The following CTNNA2 variants were observed in gnomAD, a reference collection of about 807,000 sequenced individuals.
CTNNA2 encodes catenin alpha-2.
Under a neutral mutation model 101.0 loss-of-function variants are expected in CTNNA2, and 42 were observed. The ratio of observed to expected loss-of-function variants is 0.42; its 90% confidence interval spans 0.32 to 0.54. The LOEUF (loss-of-function observed/expected upper bound fraction) is 0.54. Among genes scored for constraint, CTNNA2 ranks in the 20% least tolerant of loss-of-function variants. The pLI is 0.14. For synonymous variants in CTNNA2, 450 were observed against 456.4 expected, an observed-to-expected ratio of 0.99 and a Z score of 0.18; for missense variants, 871 against 1,223.1, an observed-to-expected ratio of 0.71 and a Z score of 4.29.
chr2:79,708,656 A>G (rs530910518), intron 2 of CTNNA2, among the ~76,000 whole-genome samples: 1 of 150,488 alleles, frequency 6.6e-6, no homozygotes, highest in Non-Finnish European at 1.5e-5. Flanking sequence ...CATATACTGT[A>G]ATTTTTATAA....
intron 4 of CTNNA2, among the ~76,000 whole-genome samples, chr2:79,378,189 A>AAAGTTCCC (rs1326686097): frequency 6.6e-6 from 1 of 152,160 alleles, no homozygotes; most frequent in African/African-American, 2.4e-5. Flanking sequence ...ATAGACATAA[A>AAAGTTCCC]AAGTTCCCAT....
chr2:80,241,804 G>T (rs564008399), intron 7 of CTNNA2, among the ~76,000 whole-genome samples: 13 of 152,148 alleles, frequency 8.5e-5, no homozygotes, highest in South Asian at 2.1e-4. Flanking sequence ...CTTTGCTGTA[G>T]ATTAATGCCA....
At chr2:80,116,836 A>C (rs1225226733) in intron 7 of CTNNA2, among the ~76,000 whole-genome samples, 1 of 152,122 alleles carries the variant, frequency 6.6e-6, no homozygotes, top group African/African-American at 2.4e-5. Context: ...AGGTGTGTAG[A>C]TACAACTGTG....
At chr2:79,490,068 T>A (rs1282501558) in intron 4 of CTNNA2, among the ~76,000 whole-genome samples, 8 of 152,186 alleles carry the variant, frequency 5.3e-5, no homozygotes, top group Admixed American at 5.2e-4. Context: ...GCCAATTTCA[T>A]CAATAAAATA....
chr2:79,960,311 A>G (rs888988224), intron 7 of CTNNA2, among the ~76,000 whole-genome samples: 2 of 152,214 alleles, frequency 1.3e-5, no homozygotes, highest in African/African-American at 4.8e-5. Flanking sequence ...GGTGTTTGAC[A>G]TGTTTAATAT....
chr2:79,607,101 A>G (rs1409194087), intron 1 of CTNNA2, among the ~76,000 whole-genome samples: 3 of 152,218 alleles, frequency 2.0e-5, no homozygotes, highest in African/African-American at 7.2e-5. Flanking sequence ...ATATACCATG[A>G]TAACACCAAA....
intron 3 of CTNNA2, among the ~76,000 whole-genome samples, chr2:79,828,712 T>A (rs1678632586): frequency 6.6e-6 from 1 of 152,208 alleles, no homozygotes; most frequent in South Asian, 2.1e-4. Context: ...ATGAGAATTA[T>A]CTGCCACATA....
chr2:79,248,047 A>T (rs1385383509), intron 2 of CTNNA2, among the ~76,000 whole-genome samples: 1 of 152,240 alleles, frequency 6.6e-6, no homozygotes, highest in African/African-American at 2.4e-5. Flanking sequence ...CAGCAGCTAT[A>T]GGAAATTCAC....
chr2:79,504,492 A>G (rs1357184669), intron 4 of CTNNA2, among the ~76,000 whole-genome samples: 2 of 151,896 alleles, frequency 1.3e-5, no homozygotes, highest in Non-Finnish European at 2.9e-5. Flanking sequence ...CTTTCACCAT[A>G]TTGACCAGGC....
chr2:80,457,713 C>G (rs1212083453), intron 9 of CTNNA2, among the ~76,000 whole-genome samples: 1 of 152,100 alleles, frequency 6.6e-6, no homozygotes, highest in Non-Finnish European at 1.5e-5. Flanking sequence ...TCTCTTCATT[C>G]TCTTTTCTCT....
intron 7 of CTNNA2, among the ~76,000 whole-genome samples, chr2:80,245,677 C>G (rs999050414): frequency 6.6e-6 from 1 of 151,946 alleles, no homozygotes; most frequent in Non-Finnish European, 1.5e-5. Context: ...TTTCCCCTGA[C>G]TCCCTATGAC....
chr2:80,400,973 C>T (rs1678496610), intron 8 of CTNNA2, among the ~76,000 whole-genome samples: 1 of 152,168 alleles, frequency 6.6e-6, no homozygotes, highest in South Asian at 2.1e-4. Flanking sequence ...CTGGAATACT[C>T]CCACCACCCT....
At chr2:79,894,977 T>A (rs945496772) in intron 6 of CTNNA2, among the ~76,000 whole-genome samples, 30 of 152,258 alleles carry the variant, frequency 2.0e-4, no homozygotes, top group African/African-American at 7.0e-4. Context: ...AATGTTGGTA[T>A]ATGCCATACC....
chr2:80,591,541 C>T (rs1216665251), intron 15 of CTNNA2, among the ~76,000 whole-genome samples: 1 of 141,460 alleles, frequency 7.1e-6, no homozygotes, highest in African/African-American at 2.6e-5. Context: ...CTATATTTGA[C>T]CTTATACATT....
intron 7 of CTNNA2, among the ~76,000 whole-genome samples, chr2:80,361,824 T>C (rs1256688124): frequency 6.6e-6 from 1 of 152,158 alleles, no homozygotes; most frequent in Non-Finnish European, 1.5e-5. Flanking sequence ...GGTTTCATTG[T>C]TGTATAAGTA....
At chr2:80,211,965 T>A (rs544893489) in intron 7 of CTNNA2, among the ~76,000 whole-genome samples, 2 of 152,318 alleles carry the variant, frequency 1.3e-5, no homozygotes, top group Admixed American at 6.5e-5. Flanking sequence ...AAGTATTTTA[T>A]TCTCTTTGTA....
intron 7 of CTNNA2, among the ~76,000 whole-genome samples, chr2:79,985,724 G>A (rs891224356): frequency 2.6e-5 from 4 of 152,180 alleles, no homozygotes; most frequent in Admixed American, 2.6e-4. Context: ...CAAGCAGCAG[G>A]CCCAGCAGCA....
intron 7 of CTNNA2, among the ~76,000 whole-genome samples, chr2:79,998,249 A>G (rs749266424): frequency 1.8e-4 from 28 of 152,220 alleles, no homozygotes; most frequent in Non-Finnish European, 3.7e-4. Context: ...ATTTAAATAC[A>G]TGTCTGTTGC....
chr2:80,123,296 A>G (rs1701945711), intron 7 of CTNNA2, among the ~76,000 whole-genome samples: 1 of 152,198 alleles, frequency 6.6e-6, no homozygotes, highest in South Asian at 2.1e-4. Context: ...AAACAGCTTA[A>G]TGAAGCAGAC....
Sources: allele counts gnomAD v4.1 joint callset (sites outside exome capture counted in the v4.1 genomes callset), GRCh38; gene constraint gnomAD v4.1.1; transcripts MANE v1.5; gene names NCBI Gene and HGNC (gene_info 2026-07-23, HGNC 2026-07-21).